Variants in FRMD4A observed in about 807,000 individuals in gnomAD.
The protein encoded by FRMD4A is FERM domain-containing protein 4A.
Under a neutral mutation model 129.1 loss-of-function variants are expected in FRMD4A, and 29 were observed. That is an observed-to-expected ratio of 0.22 (90% CI 0.17 to 0.31). FRMD4A has a LOEUF of 0.31. FRMD4A is among the 10% of genes least tolerant of loss of function. FRMD4A has a pLI of 1.00. For missense variants in FRMD4A, 1,272 were observed against 1,375.8 expected, an observed-to-expected ratio of 0.92 and a Z score of 1.19; for synonymous variants, 634 against 571.6, an observed-to-expected ratio of 1.11 and a Z score of -1.56.
At chr10:14,305,527 AT>A (rs1846319908) in intron 2 of FRMD4A, among the ~76,000 whole-genome samples, 1 of 152,146 alleles carries the variant, frequency 6.6e-6, no homozygotes, top group South Asian at 2.1e-4. Flanking sequence ...ATAGAATAAT[AT>A]ACTCGCTAAT....
chr10:13,647,465 C>G (rs1208990206), intron 24 of FRMD4A: 1 of 152,150 alleles, frequency 6.6e-6, no homozygotes, highest in Non-Finnish European at 1.5e-5. Flanking sequence ...CCTCAGGGGA[C>G]TTTTCCCACA....
intron 2 of FRMD4A, among the ~76,000 whole-genome samples, chr10:14,085,533 C>T (rs147849019): frequency 1.7e-3 from 259 of 152,308 alleles, no homozygotes; most frequent in Non-Finnish European, 2.7e-3. Flanking sequence ...CAGAAAGAGA[C>T]GGAACGGGTC....
intron 2 of FRMD4A, among the ~76,000 whole-genome samples, chr10:14,117,429 T>TA (rs1337924511): frequency 4.6e-5 from 7 of 152,258 alleles, no homozygotes; most frequent in Non-Finnish European, 8.8e-5. Flanking sequence ...ACTTCTGAGC[T>TA]AGCAGGAGCC....
chr10:13,658,552 G>A (rs908291197), intron 21 of FRMD4A, among the ~76,000 whole-genome samples: 8 of 152,184 alleles, frequency 5.3e-5, no homozygotes, highest in Non-Finnish European at 1.0e-4. Flanking sequence ...CCCCCATCAC[G>A]TGGCCCTCCG....
At chr10:14,317,345 T>A (rs1846778371) in intron 2 of FRMD4A, among the ~76,000 whole-genome samples, 1 of 152,212 alleles carries the variant, frequency 6.6e-6, no homozygotes, top group African/African-American at 2.4e-5. Flanking sequence ...CATTCATGTA[T>A]GCTGTTCCCT....
At chr10:13,679,629 G>A (rs576469476) in intron 15 of FRMD4A, among the ~76,000 whole-genome samples, 3 of 151,046 alleles carry the variant, frequency 2.0e-5, no homozygotes, top group African/African-American at 4.9e-5. Flanking sequence ...TCCACTCCAC[G>A]TTCCTCAAAA....
At position 13,740,218 on chromosome 10, in the gene FRMD4A, G is replaced by A. The variant is rs1203327224; in HGVS notation, c.648C>T (p.Tyr216=). The part of the protein sequence containing the change: ...YMSIVESLPT[Y]GVHYYAVKDK... ...CCTTCACTGCATAATAGTGAACCCC[G>A]TAGGTTGGGAGAGACTCCACGATGC... is the stretch of plus-strand genomic sequence containing the variant. Residue 216 remains tyrosine (Y), a synonymous_variant, in exon 11 of 25, where the codon TAC becomes TAT. Transcript: ENST00000357447. 6.2e-6 allele frequency: 10 copies of A among 1,608,994 alleles called. No individual in the cohort carries two copies. Among genetic ancestry groups the A allele is most frequent in the East Asian group, 2.2e-5 (1 of 44,866 alleles).
At chr10:13,773,818 G>C (rs1218805607) in intron 6 of FRMD4A, among the ~76,000 whole-genome samples, 2 of 152,346 alleles carry the variant, frequency 1.3e-5, no homozygotes, top group Non-Finnish European at 1.5e-5. Context: ...TGTCTCATGG[G>C]ACAAGTCCGC....
At position 13,795,902 on chromosome 10, in the gene FRMD4A, T is replaced by C. The variant is rs1324325740; in HGVS notation, c.299+594A>G. Among the ~76,000 whole-genome samples, 5 of 152,326 alleles carry C rather than the reference T, an allele frequency of 3.3e-5. No homozygotes were observed. The East Asian group carries it at 9.6e-4, about 29-fold the overall frequency. On this transcript the variant is annotated intron_variant, in intron 5 of 24. Coordinates refer to ENST00000357447, the MANE Select transcript of FRMD4A (RefSeq NM_018027.5). Reference sequence around the variant, plus strand: ...CAAATATTAACTATTTAAATCACTATAGCCCACAAATCGTTCCCTTTGCAA... The same window carrying C: ...CAAATATTAACTATTTAAATCACTACAGCCCACAAATCGTTCCCTTTGCAA...
intron 3 of FRMD4A, among the ~76,000 whole-genome samples, chr10:13,857,122 C>T (rs1243024648): frequency 6.6e-6 from 1 of 152,076 alleles, no homozygotes; most frequent in African/African-American, 2.4e-5. Flanking sequence ...CCTAAAACAG[C>T]CGTAATCTAA....
At chr10:14,093,966 A>G (rs537165101) in intron 2 of FRMD4A, among the ~76,000 whole-genome samples, 59 of 152,374 alleles carry the variant, frequency 3.9e-4, no homozygotes, top group Middle Eastern at 3.4e-3. Flanking sequence ...AAAAGACAAC[A>G]GCTTTCACCA....
chr10:13,656,773 T>C lies in FRMD4A; in HGVS notation c.2816A>G (p.His939Arg), dbSNP rs1288610595. Residue 939 changes from histidine to arginine, a missense_variant, in exon 22 of 25, where the codon CAC (histidine) becomes CGC (arginine). By Grantham distance (29) the His-to-Arg change is conservative. Transcript: ENST00000357447. ...GTGCGACAGGCGGCTGTGCTCCTTG[T>C]GCGAGGCGGTGGAACGCTGGTACCA... ...RQWYQRSTAS[H>R]KEHSRLSHTS... 30 of 1,598,108 alleles carry C rather than the reference T, an allele frequency of 1.9e-5. No homozygotes were observed. The highest frequency in any genetic ancestry group is 2.2e-5 in the Non-Finnish European group (26 of 1,173,808).
rs1036431315 is a variant in FRMD4A at position 13,762,651 on chromosome 10, C to T, written c.414G>A (p.Val138=). Residue 138 remains valine (V), a synonymous_variant, in exon 7 of 25, where the codon GTG becomes GTA. Coordinates refer to ENST00000357447, the MANE Select transcript of FRMD4A (RefSeq NM_018027.5). ...KELIDVDSEV[V]FELASYILQE... ...GTAAAATATAGGAAGCTAATTCAAA[C>T]ACCACTTCGCTGTCAACGTCAATAA... The T allele has an allele frequency of 4.4e-6, 7 of 1,608,020 alleles. No homozygotes were observed. The Admixed American group carries it at 5.0e-5, about 11-fold the overall frequency.
intron 2 of FRMD4A, among the ~76,000 whole-genome samples, chr10:14,328,314 G>A (rs892567438): frequency 1.4e-5 from 2 of 141,264 alleles, no homozygotes; most frequent in Non-Finnish European, 1.5e-5. Flanking sequence ...TACCAGGACA[G>A]CAGCCATAAT....
chr10:13,941,741 C>A (rs2095293977), intron 2 of FRMD4A, among the ~76,000 whole-genome samples: 1 of 152,166 alleles, frequency 6.6e-6, no homozygotes. Flanking sequence ...TGGCATTTTG[C>A]TAAACAAGGC....
intron 2 of FRMD4A, among the ~76,000 whole-genome samples, chr10:13,885,028 T>A (rs982579194): frequency 2.0e-5 from 3 of 152,178 alleles, no homozygotes; most frequent in Non-Finnish European, 4.4e-5. Flanking sequence ...CGTTGAGCCT[T>A]CCAGTAATAT....
intron 2 of FRMD4A, among the ~76,000 whole-genome samples, chr10:14,029,209 G>A (rs747453458): frequency 6.6e-5 from 10 of 151,576 alleles, no homozygotes; most frequent in Non-Finnish European, 7.4e-5. Context: ...CTCCTCCAGC[G>A]GGCTTAACGT....
At chr10:13,721,660 C>T (rs2089421598) in intron 12 of FRMD4A, among the ~76,000 whole-genome samples, 2 of 152,178 alleles carry the variant, frequency 1.3e-5, no homozygotes, top group Non-Finnish European at 2.9e-5. Context: ...CTACAGAGGG[C>T]AACTCACTTC....
chr10:14,302,982 C>T (rs1016622123), intron 2 of FRMD4A, among the ~76,000 whole-genome samples: 1 of 152,112 alleles, frequency 6.6e-6, no homozygotes. Context: ...GGAAACAAGA[C>T]ATTGAAAAGA....
Sources: gnomAD v4.1 joint callset for allele counts (sites outside exome capture counted in the v4.1 genomes callset) on GRCh38, gnomAD v4.1.1 for gene constraint, MANE v1.5 for transcripts, NCBI Gene and HGNC (gene_info 2026-07-23, HGNC 2026-07-21) for gene names.